KLC1: variants seen among roughly 807,000 people sequenced by gnomAD.
KLC1 encodes the protein kinesin 2 60/70kDa.
A neutral mutation model predicts 84.2 loss-of-function variants in KLC1; 30 were observed. The ratio of observed to expected loss-of-function variants is 0.36; its 90% confidence interval spans 0.27 to 0.48. The LOEUF is 0.48. Among genes scored for constraint, KLC1 ranks in the 20% least tolerant of loss-of-function variants. The probability of loss-of-function intolerance (pLI) is 0.99; values close to 1 mark genes in which losing one functional copy is unlikely to be tolerated. For synonymous variants in KLC1, 289 were observed against 293.3 expected (o/e 0.99, Z 0.15); for missense variants, 499 against 805.4 (o/e 0.62, Z 4.60).
chr14:103,673,988 G>C (rs1449545182), intron 9 of KLC1, among the ~76,000 whole-genome samples: 1 of 151,682 alleles, frequency 6.6e-6, no homozygotes, highest in African/African-American at 2.4e-5. Flanking sequence ...GAAGCAGTTA[G>C]ACTGGGATTA....
chr14:103,695,670 T>C, intron 15 of KLC1: 1 of 985,440 alleles, frequency 1.0e-6, no homozygotes, highest in Non-Finnish European at 1.2e-6. Flanking sequence ...TTTTAACCTC[T>C]TCAGACTGAT....
At chr14:103,696,309 G>A in intron 15 of KLC1, 7 of 985,328 alleles carry the variant, frequency 7.1e-6, no homozygotes, top group Non-Finnish European at 7.2e-6. Flanking sequence ...GGCCGGTGGT[G>A]CCCGCGGGTG....
intron 12 of KLC1, 162 bp from the exon 13 acceptor site, chr14:103,679,222 G>A (rs921271138): frequency 7.0e-6 from 6 of 863,132 alleles, no homozygotes; most frequent in South Asian, 3.5e-5. Context: ...CCAGTTCCCC[G>A]CCTCCACCCT....
chr14:103,699,766 A>C (rs1335810059), intron 15 of KLC1, among the ~76,000 whole-genome samples: 1 of 152,030 alleles, frequency 6.6e-6, no homozygotes, highest in Admixed American at 6.6e-5. Flanking sequence ...CCAACTATAG[A>C]AGCTTCAGGC....
At chr14:103,631,457 C>T (rs2076682152) in intron 1 of KLC1, among the ~76,000 whole-genome samples, 2 of 152,172 alleles carry the variant, frequency 1.3e-5, no homozygotes, top group South Asian at 4.1e-4. Flanking sequence ...GTGTAACTTT[C>T]TGTATAGGGC....
At chr14:103,671,458 C>T (rs1477612967) in intron 7 of KLC1, among the ~76,000 whole-genome samples, 2 of 152,066 alleles carry the variant, frequency 1.3e-5, no homozygotes, top group Non-Finnish European at 2.9e-5. Context: ...CAGCCTTCGC[C>T]TCCTGGATTC....
At chr14:103,666,661 G>A (rs974521596) in intron 5 of KLC1, among the ~76,000 whole-genome samples, 16 of 145,708 alleles carry the variant, frequency 1.1e-4, no homozygotes, top group African/African-American at 4.1e-4. Flanking sequence ...GCAATGGTGT[G>A]ATCTCAGCTC....
At chr14:103,684,884 A>G (rs2081654343) in intron 13 of KLC1, 1 of 712,524 alleles carries the variant, frequency 1.4e-6, no homozygotes, top group Non-Finnish European at 2.6e-6. Flanking sequence ...ATACGTTAGC[A>G]TTTTAGCATC....
rs537587722 is a variant in KLC1, at chr14:103,667,343, G to A, written c.798-2168G>A. Among the ~76,000 whole-genome samples the A allele has an allele frequency of 4.0e-4, 61 of 152,018 alleles. 1 individual carries two copies. In the South Asian group the frequency reaches 0.012, roughly 30 times the overall value. ...GTTGATCTTGAACTCCTGACCTCGG[G>A]TGATCTACCCGCCTCAGCCTCCCAG... On this transcript the variant is annotated intron_variant, in intron 5 of 16. Transcript: ENST00000334553.
chr14:103,696,124 G>T (rs890927489), intron 15 of KLC1: 3 of 905,088 alleles, frequency 3.3e-6, no homozygotes, highest in African/African-American at 5.1e-5. Flanking sequence ...CACAGCAGCC[G>T]TGTGTGCAGC....
rs903836177 is a variant in KLC1 at position 103,669,666 on chromosome 14, C to T, written c.885+68C>T. On this transcript the variant is annotated intron_variant, in intron 6 of 16. Coordinates refer to ENST00000334553, the MANE Select transcript of KLC1 (RefSeq NM_001394837.1). ...CCCCATATATTTCTTTTATCCAACT[C>T]ATTTTACCATTAAACTCAACAGGGA... 1.5e-5 allele frequency: 16 copies of T among 1,085,134 alleles called. No individual in the cohort carries two copies. In the East Asian group the frequency reaches 2.9e-4, roughly 19 times the overall value. 67.2% of individuals were successfully genotyped at this position (1,085,134 alleles called of 1,614,324 possible).
At chr14:103,670,345 T>G in intron 7 of KLC1, 62 bp downstream of exon 7, 1 of 1,260,696 alleles carries the variant, frequency 7.9e-7, no homozygotes, top group South Asian at 1.3e-5. Context: ...TGTGGTTTTT[T>G]TTTTTTTTTT....
intron 15 of KLC1, chr14:103,697,860 C>T (rs1407456980): frequency 2.0e-5 from 3 of 147,248 alleles, no homozygotes; most frequent in South Asian, 2.1e-4. Context: ...ACTGGGTCTG[C>T]ACAGTGTGGG....
intron 7 of KLC1, among the ~76,000 whole-genome samples, chr14:103,672,582 G>A (rs2080496200): frequency 2.0e-5 from 3 of 152,268 alleles, no homozygotes; most frequent in Admixed American, 6.5e-5. Flanking sequence ...AGGATAAGTC[G>A]TAGCTAGTAG....
At chr14:103,663,656 G>A (rs1567023242) in intron 5 of KLC1, among the ~76,000 whole-genome samples, 3 of 152,130 alleles carry the variant, frequency 2.0e-5, no homozygotes, top group Non-Finnish European at 2.9e-5. Flanking sequence ...CCCCTTGTGT[G>A]CTCCCCGAAC....
chr14:103,682,760 A>G (rs1460404922), intron 13 of KLC1: 3 of 151,172 alleles, frequency 2.0e-5, no homozygotes, highest in East Asian at 1.9e-4. Context: ...TTATATATAT[A>G]TATATGTATA....
intron 5 of KLC1, among the ~76,000 whole-genome samples, chr14:103,667,939 GTGTTTC>G (rs1177971234): frequency 6.6e-6 from 1 of 152,166 alleles, no homozygotes; most frequent in Non-Finnish European, 1.5e-5. Context: ...TGGTTCTGGG[GTGTTTC>G]TGTTTTACTC....
At chr14:103,697,843 G>C (rs186232444) in intron 15 of KLC1, 2 of 152,344 alleles carry the variant, frequency 1.3e-5, no homozygotes, top group East Asian at 3.9e-4. Context: ...CCTGGCCACA[G>C]TGTGGGACTG....
chr14:103,680,417 C>G lies in KLC1; in HGVS notation c.1650+872C>G, dbSNP rs950722120. Among the ~76,000 whole-genome samples, 9 of 151,998 alleles carry G rather than the reference C, an allele frequency of 5.9e-5. 1 individual carries two copies. The highest frequency in any genetic ancestry group is 2.0e-4 in the Admixed American group (3 of 15,236). ...TAGTACAGTTTGATTAGTTATAATT[C>G]TACAGATGTTCTGCCAAATTGTAGT... On this transcript the variant is annotated intron_variant, in intron 13 of 16. Coordinates refer to ENST00000334553, the MANE Select transcript of KLC1 (RefSeq NM_001394837.1).
Sources: allele counts gnomAD v4.1 joint callset (sites outside exome capture counted in the v4.1 genomes callset), GRCh38; gene constraint gnomAD v4.1.1; transcripts MANE v1.5; gene names NCBI Gene and HGNC (gene_info 2026-07-23, HGNC 2026-07-21).